LAMA2: variants seen among roughly 807,000 people sequenced by gnomAD.
The protein encoded by LAMA2 is laminin subunit alpha-2.
A neutral mutation model predicts 364.8 loss-of-function variants in LAMA2; 269 were observed. The observed-to-expected ratio is 0.74, with a 90% CI of 0.67 to 0.82. The LOEUF is 0.82. LAMA2 is among the 40% of genes least tolerant of loss of function. The pLI is 0.00. For synonymous variants in LAMA2, 1,379 were observed against 1,370.6 expected (o/e 1.01, Z -0.14); for missense variants, 3,807 against 3,873.2 (o/e 0.98, Z 0.45).
At chr6:129,020,631 AG>A (rs1438358255) in intron 1 of LAMA2, among the ~76,000 whole-genome samples, 1 of 152,156 alleles carries the variant, frequency 6.6e-6, no homozygotes, top group Non-Finnish European at 1.5e-5. Context: ...ACACGTGAAA[AG>A]GTGTCCCAGG....
intron 12 of LAMA2, among the ~76,000 whole-genome samples, chr6:129,234,537 G>C (rs999562339): frequency 4.6e-5 from 7 of 151,948 alleles, no homozygotes; most frequent in Non-Finnish European, 1.0e-4. Context: ...TCTTGGAATT[G>C]GAATTTTTTC....
intron 35 of LAMA2, among the ~76,000 whole-genome samples, 157 bp from the exon 36 acceptor site, chr6:129,391,334 T>G (rs1302720809): frequency 1.3e-5 from 2 of 152,238 alleles, no homozygotes; most frequent in African/African-American, 2.4e-5. Flanking sequence ...TGTTTGTTAC[T>G]GATTGTTGTC....
chr6:129,069,461 T>A (rs1344151231), intron 3 of LAMA2, among the ~76,000 whole-genome samples: 1 of 148,554 alleles, frequency 6.7e-6, no homozygotes, highest in Non-Finnish European at 1.5e-5. Flanking sequence ...ATTATATTAT[T>A]TGTTTTTAAA....
intron 18 of LAMA2, among the ~76,000 whole-genome samples, chr6:129,285,143 T>G (rs1413134799): frequency 3.9e-5 from 6 of 152,184 alleles, no homozygotes; most frequent in African/African-American, 1.4e-4. Flanking sequence ...CTATTTTTAT[T>G]AATAAAAGTT....
chr6:129,383,144 G>A lies in LAMA2; in HGVS notation c.4982G>A (p.Gly1661Asp). The A allele has an allele frequency of 3.7e-6, 6 of 1,613,830 alleles. No individual in the cohort carries two copies. The highest frequency in any genetic ancestry group is 4.2e-6 in the Non-Finnish European group (5 of 1,179,886). Residue 1661 changes from glycine to aspartate, a missense_variant, in exon 35 of 65, where the codon GGC (glycine) becomes GAC (aspartate). Transcript: ENST00000421865. ...TAGGCTACCAAAGTGACAGCAGATGGCGAGCAGACCGGACAGGATGCTGAG... is the reference window on the plus strand; with the variant it reads ...TAGGCTACCAAAGTGACAGCAGATGACGAGCAGACCGGACAGGATGCTGAG... The part of the protein sequence containing the change: ...LTRATKVTAD[G>D]EQTGQDAERT...
At chr6:129,088,319 T>C (rs892972187) in intron 3 of LAMA2, among the ~76,000 whole-genome samples, 1 of 151,942 alleles carries the variant, frequency 6.6e-6, no homozygotes, top group African/African-American at 2.4e-5. Flanking sequence ...AGCAACAATC[T>C]GATTTCTCTA....
intron 17 of LAMA2, among the ~76,000 whole-genome samples, chr6:129,272,643 G>T (rs1261245247): frequency 1.3e-5 from 2 of 152,066 alleles, no homozygotes; most frequent in African/African-American, 4.8e-5. Flanking sequence ...ATCTAGCAAG[G>T]TTTTGAGAAA....
At chr6:129,160,108 C>T (rs1779360799) in intron 8 of LAMA2, among the ~76,000 whole-genome samples, 2 of 152,058 alleles carry the variant, frequency 1.3e-5, no homozygotes, top group Admixed American at 6.5e-5. Context: ...GGTATACTGG[C>T]ATCAACAAAT....
At chr6:129,423,630 A>G (rs976398575) in intron 40 of LAMA2, among the ~76,000 whole-genome samples, 1 of 152,134 alleles carries the variant, frequency 6.6e-6, no homozygotes, top group Non-Finnish European at 1.5e-5. Flanking sequence ...TACAACATCT[A>G]TATGTGAAAA....
At chr6:129,039,956 T>C (rs955481819) in intron 1 of LAMA2, among the ~76,000 whole-genome samples, 1 of 152,188 alleles carries the variant, frequency 6.6e-6, no homozygotes, top group African/African-American at 2.4e-5. Flanking sequence ...GTTAGGATGC[T>C]ACTGTAATAA....
At chr6:129,350,646 A>T (rs1178714907) in intron 31 of LAMA2, among the ~76,000 whole-genome samples, 2 of 152,172 alleles carry the variant, frequency 1.3e-5, no homozygotes, top group Non-Finnish European at 2.9e-5. Flanking sequence ...GTCCTGCTTC[A>T]CCCACTCCTT....
chr6:128,985,063 A>T (rs1017820325), intron 1 of LAMA2, among the ~76,000 whole-genome samples: 2 of 152,148 alleles, frequency 1.3e-5, no homozygotes, highest in African/African-American at 2.4e-5. Context: ...ACAGTGTCTG[A>T]TAAGTACAGC....
chr6:129,437,759 C>A (rs1401268457), intron 41 of LAMA2, among the ~76,000 whole-genome samples: 1 of 151,920 alleles, frequency 6.6e-6, no homozygotes, highest in East Asian at 1.9e-4. Context: ...CCATTTCAGT[C>A]TTAAGATATA....
chr6:129,313,154 T>C, intron 23 of LAMA2, 57 bp downstream of exon 23: 2 of 1,104,382 alleles, frequency 1.8e-6, no homozygotes, highest in Non-Finnish European at 2.7e-6. Flanking sequence ...TTTCCATTGC[T>C]CAGTTTTAAC....
At chr6:129,169,975 T>G (rs6915817) in intron 9 of LAMA2, among the ~76,000 whole-genome samples, 49,742 of 149,274 alleles carry the variant, frequency 0.33, 12,121 homozygotes, top group African/African-American at 0.7. Flanking sequence ...ATTCTCTGAT[T>G]TTAGTTTGTA....
intron 30 of LAMA2, among the ~76,000 whole-genome samples, chr6:129,344,678 T>A (rs1486761849): frequency 2.6e-5 from 4 of 151,948 alleles, no homozygotes; most frequent in Non-Finnish European, 5.9e-5. Context: ...GACAGGACTT[T>A]ATGTTGGGAA....
chr6:129,143,884 T>TG lies in LAMA2; in HGVS notation c.640-17_640-16insG. 6.5e-7 allele frequency: 1 copy of TG among 1,546,048 alleles called. No individual in the cohort carries two copies. Among genetic ancestry groups the TG allele is most frequent in the Non-Finnish European group, 8.9e-7 (1 of 1,122,518 alleles). On this transcript the variant is annotated splice_polypyrimidine_tract_variant and intron_variant, in intron 4 of 64. Transcript: ENST00000421865. ...TTTGGAAAACATAATTGTTAAATTA[T>TG]TTTTCATATTGTGTAGATTCACATC...
chr6:129,344,646 C>T (rs949039575), intron 30 of LAMA2, among the ~76,000 whole-genome samples: 5 of 151,522 alleles, frequency 3.3e-5, no homozygotes, highest in East Asian at 3.9e-4. Context: ...TTATCCAAGG[C>T]GAGTATATAG....
intron 15 of LAMA2, 64 bp from the exon 16 acceptor site, chr6:129,267,038 CACAA>C (rs1164130886): frequency 1.0e-6 from 1 of 997,060 alleles, no homozygotes; most frequent in South Asian, 1.3e-5. Context: ...AGAAAACAAA[CACAA>C]ACAAACAAAA....
Sources: allele counts gnomAD v4.1 joint callset (sites outside exome capture counted in the v4.1 genomes callset), GRCh38; gene constraint gnomAD v4.1.1; transcripts MANE v1.5; gene names NCBI Gene and HGNC (gene_info 2026-07-23, HGNC 2026-07-21).